Variants in SEC31A observed in about 807,000 individuals in gnomAD.
SEC31A encodes protein transport protein Sec31A.
In SEC31A, 70 loss-of-function variants were observed where a neutral mutation model predicts 151.0. The observed-to-expected ratio is 0.46, with a 90% CI of 0.38 to 0.57. The LOEUF (loss-of-function observed/expected upper bound fraction) is 0.57, where lower values mean the gene tolerates loss of function less well. Ranked by LOEUF, SEC31A falls within the 20% of genes least tolerant of loss-of-function variation. SEC31A has a pLI of 0.00. For synonymous variants in SEC31A, 475 were observed against 505.9 expected (o/e 0.94, Z 0.82); for missense variants, 1,330 against 1,471.2 (o/e 0.90, Z 1.57).
exon 2 of SEC31A, chr4:82,900,204 A>G (rs1720255939): frequency 6.6e-6 from 1 of 152,544 alleles, no homozygotes; most frequent in Non-Finnish European, 1.5e-5. Flanking sequence ...GAGCTTCCCC[A>G]TTATCTCCGC....
intron 20 of SEC31A, among the ~76,000 whole-genome samples, chr4:82,847,409 A>C (rs1320335458): frequency 1.3e-5 from 2 of 152,278 alleles, no homozygotes; most frequent in East Asian, 3.8e-4. Flanking sequence ...CTACAAGTGT[A>C]AGATTGGTAA....
At chr4:82,842,863 T>C (rs370571317) in intron 21 of SEC31A, 1 of 176,128 alleles carries the variant, frequency 5.7e-6, no homozygotes, top group Non-Finnish European at 1.2e-5. Flanking sequence ...AAAAGTTACA[T>C]GGAGTTTGGT....
intron 1 of SEC31A, among the ~76,000 whole-genome samples, chr4:82,887,917 G>A (rs1482059201): frequency 6.6e-6 from 1 of 151,676 alleles, no homozygotes; most frequent in Non-Finnish European, 1.5e-5. Flanking sequence ...GCAGTGGCGG[G>A]CGCCTGTAGT....
In SEC31A at chr4:82,842,383, TA is replaced by T; in HGVS notation, c.2724del (p.Asn909ThrfsTer93). 1 of 1,613,858 alleles carries T rather than the reference TA, an allele frequency of 6.2e-7. No individual in the cohort carries two copies. The highest frequency in any genetic ancestry group is 8.5e-7 in the Non-Finnish European group (1 of 1,179,952). ...PVAPPTSNAY[P>X]NTPYISSASS... ...GAAGCAGAAGATATGTAAGGGGTGT[TA>T]GGGTAAGCGTTTGAAGTAGGAGGAG... On this transcript the variant is annotated frameshift_variant, in exon 22 of 27. Coordinates refer to ENST00000395310, the MANE Select transcript of SEC31A (RefSeq NM_001077207.4). LOFTEE classifies it high-confidence loss of function.
chr4:82,863,498 T>G (rs1734623327), intron 11 of SEC31A, 106 bp from the exon 12 acceptor site: 1 of 637,688 alleles, frequency 1.6e-6, no homozygotes, highest in South Asian at 2.3e-5. Context: ...ATATCTGAAG[T>G]CTACATTCTA....
At chr4:82,859,490 TG>T (rs1733568655) in intron 14 of SEC31A, among the ~76,000 whole-genome samples, 1 of 152,142 alleles carries the variant, frequency 6.6e-6, no homozygotes, top group Non-Finnish European at 1.5e-5. Flanking sequence ...ATGAAATATC[TG>T]TCTTCTGTGC....
intron 24 of SEC31A, 110 bp downstream of exon 24, chr4:82,827,259 G>T: frequency 1.6e-6 from 2 of 1,249,044 alleles, no homozygotes; most frequent in Non-Finnish European, 1.1e-6. Context: ...TTTTGTTTAG[G>T]TTGTCTAGAT....
rs1738729421 is a variant in SEC31A, at chr4:82,879,365, T to C, written c.204-437A>G. 5.0e-5 allele frequency among the ~76,000 whole-genome samples: 4 copies of C among 80,230 alleles called. No homozygotes were observed. In the South Asian group the frequency reaches 2.3e-3, roughly 46 times the overall value. The allele number at this position is 80,230 out of a possible 152,430, so 52.6% of individuals were successfully genotyped here. A position where few individuals can be genotyped will look rare whatever the true frequency, so the allele number is the denominator to read the frequency against. On this transcript the variant is annotated intron_variant, in intron 3 of 26. Coordinates refer to ENST00000395310, the MANE Select transcript of SEC31A (RefSeq NM_001077207.4). ...ATAGAAGGGTCTCATGCTTTGACCT[T>C]TGTCTGAAAAAAAAAAAAAGGGGGG...
intron 1 of SEC31A, among the ~76,000 whole-genome samples, chr4:82,887,862 C>T (rs1015874094): frequency 6.6e-5 from 10 of 151,038 alleles, no homozygotes; most frequent in African/African-American, 2.4e-4. Context: ...ATCGAGACCA[C>T]GGTGAAACCC....
intron 1 of SEC31A, among the ~76,000 whole-genome samples, chr4:82,883,062 T>C (rs183236347): frequency 3.9e-4 from 60 of 152,226 alleles, no homozygotes; most frequent in African/African-American, 1.3e-3. Flanking sequence ...GAAGGTTACA[T>C]TGAGCCGAGA....
chr4:82,847,160 T>C (rs1294414397), intron 20 of SEC31A, among the ~76,000 whole-genome samples: 4 of 152,168 alleles, frequency 2.6e-5, no homozygotes, highest in Non-Finnish European at 4.4e-5. Flanking sequence ...AGTCATAGAT[T>C]TTCAACTGTA....
In SEC31A at chr4:82,875,790, A is replaced by G. The variant is rs758622606; in HGVS notation, c.435T>C (p.Ser145=). The stretch of plus-strand genomic sequence containing the variant: ...TATTTAGATCCCATATGTAGATTTC[A>G]GATTCATTAGCACCAGAAGCTACCA... ...TNLVASGANE[S]EIYIWDLNNF... is the part of the protein sequence containing the mutation. Residue 145 remains serine, a synonymous_variant, in exon 5 of 27, where the codon TCT becomes TCC. Transcript: ENST00000395310. 1.2e-6 allele frequency: 2 copies of G among 1,607,924 alleles called. No homozygotes were observed. Among genetic ancestry groups the G allele is most frequent in the East Asian group, 2.2e-5 (1 of 44,714 alleles).
Position 82,871,925 on chromosome 4 carries a change from T to C in SEC31A, c.782+19A>G, listed in dbSNP as rs1354406864. 6 of 1,613,988 alleles carry C rather than the reference T, an allele frequency of 3.7e-6. No homozygotes were observed. The East Asian group carries it at 1.1e-4, about 30-fold the overall frequency. On this transcript the variant is annotated intron_variant, in intron 7 of 26. Coordinates refer to ENST00000395310, the MANE Select transcript of SEC31A (RefSeq NM_001077207.4). Reference sequence around the variant, plus strand: ...CAGAAAATAAACAAATCAAGTTCTTTGTAACAGCAGCACGATACCTGGCAT... The same window carrying C: ...CAGAAAATAAACAAATCAAGTTCTTCGTAACAGCAGCACGATACCTGGCAT...
At chr4:82,891,029 G>A (rs929266830) in intron 1 of SEC31A, 59 bp downstream of exon 1, 1 of 1,534,026 alleles carries the variant, frequency 6.5e-7, no homozygotes, top group African/African-American at 1.4e-5. Flanking sequence ...TTTTGGCCTG[G>A]GCTCTACCTC....
In SEC31A at chr4:82,821,038, G is replaced by T; in HGVS notation, c.3482C>A (p.Thr1161Lys). 6.2e-7 allele frequency: 1 copy of T among 1,610,488 alleles called. No individual in the cohort carries two copies. ...EFLYDKLREQ[T>K]LSPTITSGLH... ...AAATCCTTTTCCTCCAAAACTTACT[G>T]TCTGTTCCCTAAGTTTATCATACAG... Residue 1161 changes from threonine to lysine, a missense_variant and splice_region_variant, in exon 26 of 27, where the codon ACA (threonine) becomes AAA (lysine). Transcript: ENST00000395310.
intron 26 of SEC31A, among the ~76,000 whole-genome samples, chr4:82,819,864 C>A (rs112830425): frequency 1.3e-5 from 2 of 152,018 alleles, no homozygotes; most frequent in Admixed American, 6.5e-5. Flanking sequence ...CGGGTTCAAG[C>A]GATTCTCCTG....
chr4:82,845,101 G>A (rs1729765587), intron 20 of SEC31A: 8 of 748,988 alleles, frequency 1.1e-5, no homozygotes, highest in Non-Finnish European at 1.8e-5. Context: ...GATGGATGGG[G>A]AGTGGGGGTG....
intron 3 of SEC31A, 134 bp downstream of exon 3, chr4:82,880,665 C>T (rs1739075733): frequency 5.3e-6 from 4 of 759,364 alleles, no homozygotes; most frequent in Non-Finnish European, 7.9e-6. Flanking sequence ...CACTCACATG[C>T]TTTTTCACAA....
At position 82,851,640 on chromosome 4, in the gene SEC31A, A is replaced by G. The variant is rs1371798513; in HGVS notation, c.2155-36T>C. The G allele has an allele frequency of 1.1e-5, 17 of 1,552,030 alleles. No homozygotes were observed. The East Asian group carries it at 3.9e-4, about 35-fold the overall frequency. On this transcript the variant is annotated intron_variant, in intron 18 of 26. Coordinates refer to ENST00000395310, the MANE Select transcript of SEC31A (RefSeq NM_001077207.4). ...AAAATGAGTAACAAACAGAAATATC[A>G]AGACCATGTATGAGAGGAAGCAGGA...
Sources: gnomAD v4.1 joint callset for allele counts (sites outside exome capture counted in the v4.1 genomes callset) on GRCh38, gnomAD v4.1.1 for gene constraint, MANE v1.5 for transcripts, NCBI Gene and HGNC (gene_info 2026-07-23, HGNC 2026-07-21) for gene names.